The following ALK variants were observed in gnomAD, a reference collection of about 807,000 sequenced individuals.
ALK encodes the protein ALK tyrosine kinase receptor.
In ALK, 74 loss-of-function variants were observed where a neutral mutation model predicts 163.1. The ratio of observed to expected loss-of-function variants is 0.45; its 90% CI spans 0.38 to 0.55. The LOEUF is 0.55. Among genes scored for constraint, ALK ranks in the 20% least tolerant of loss-of-function variants. ALK has a pLI of 0.00. For missense variants in ALK, 2,063 were observed against 2,105.3 expected, an observed-to-expected ratio of 0.98 and a Z score of 0.39; for synonymous variants, 960 against 843.2, an observed-to-expected ratio of 1.14 and a Z score of -2.40.
At chr2:29,734,091 A>G (rs13421314) in intron 1 of ALK, among the ~76,000 whole-genome samples, 8,571 of 152,258 alleles carry the variant, frequency 0.056, 804 homozygotes, top group African/African-American at 0.19. Flanking sequence ...CGGCCCAATG[A>G]GAGGACTTGG....
At chr2:29,204,528 G>GGTGAA (rs1669265206) in intron 26 of ALK, among the ~76,000 whole-genome samples, 1 of 152,036 alleles carries the variant, frequency 6.6e-6, no homozygotes, top group Non-Finnish European at 1.5e-5. Flanking sequence ...AGACCACAGA[G>GGTGAA]GTAAAGTACC....
chr2:29,858,718 G>GAGGA (rs1666207726), intron 1 of ALK, among the ~76,000 whole-genome samples: 2 of 151,942 alleles, frequency 1.3e-5, no homozygotes, highest in South Asian at 4.2e-4. Flanking sequence ...ACTCCAGCCT[G>GAGGA]GGCGACAGAG....
chr2:29,383,170 A>C (rs1573302615), intron 5 of ALK, among the ~76,000 whole-genome samples: 1 of 148,792 alleles, frequency 6.7e-6, no homozygotes. Flanking sequence ...TTCCCTCTCC[A>C]CCCTCCGTTA....
intron 4 of ALK, among the ~76,000 whole-genome samples, chr2:29,466,180 C>A (rs1033139761): frequency 1.3e-5 from 2 of 152,186 alleles, no homozygotes; most frequent in Non-Finnish European, 2.9e-5. Context: ...GGCTTCTGGA[C>A]ATCATGTGGC....
In ALK at chr2:29,590,339, T is replaced by C. The variant is rs528083809; in HGVS notation, c.953-58223A>G. On this transcript the variant is annotated intron_variant, in intron 3 of 28. Coordinates refer to ENST00000389048, the MANE Select transcript of ALK (RefSeq NM_004304.5). ...CCCAAATCATGCATGGTTCCGCGGCTTGTTTTCAGTTGACCATTTTTAAAG... is the reference window on the plus strand; with the variant it reads ...CCCAAATCATGCATGGTTCCGCGGCCTGTTTTCAGTTGACCATTTTTAAAG... Among the ~76,000 whole-genome samples, 3 of 152,360 alleles carry C rather than the reference T, an allele frequency of 2.0e-5. No individual in the cohort carries two copies. In the East Asian group the frequency reaches 5.8e-4, roughly 29 times the overall value.
chr2:29,645,718 C>T (rs1676853438), intron 3 of ALK, among the ~76,000 whole-genome samples: 1 of 152,080 alleles, frequency 6.6e-6, no homozygotes, highest in Non-Finnish European at 1.5e-5. Flanking sequence ...ACCCTCAGCC[C>T]TCAGATGCTC....
At chr2:29,226,170 TGA>T (rs1663980273) in intron 18 of ALK, among the ~76,000 whole-genome samples, 1 of 151,974 alleles carries the variant, frequency 6.6e-6, no homozygotes, top group Admixed American at 6.6e-5. Flanking sequence ...TTATTTAGTC[TGA>T]AGAAGAGTTA....
rs1664284078 is a variant in ALK at position 29,233,651 on chromosome 2, T to C, written c.2401A>G (p.Ile801Val). ...QKVCIGENNVIEEEIRVNRSV... is the reference protein window; with the variant it reads ...QKVCIGENNVVEEEIRVNRSV... ...CTGTTCACACGGATTTCTTCTTCTA[T>C]CACATTGTTCTCTCCAATGCAGACT... Residue 801 changes from isoleucine (I) to valine (V), a missense_variant, in exon 14 of 29, where the codon ATA (isoleucine) becomes GTA (valine). Coordinates refer to ENST00000389048, the MANE Select transcript of ALK (RefSeq NM_004304.5). 2 of 1,614,246 alleles carry C rather than the reference T, an allele frequency of 1.2e-6. No individual in the cohort carries two copies. Among genetic ancestry groups the C allele is most frequent in the Non-Finnish European group, 1.7e-6 (2 of 1,180,046 alleles).
intron 4 of ALK, among the ~76,000 whole-genome samples, chr2:29,419,175 C>G (rs1219269737): frequency 2.6e-5 from 4 of 151,376 alleles, no homozygotes; most frequent in African/African-American, 7.4e-5. Context: ...CTGACTCAGC[C>G]TCCCGAGTAG....
chr2:29,323,040 C>T (rs916759843), intron 6 of ALK, among the ~76,000 whole-genome samples: 2 of 152,120 alleles, frequency 1.3e-5, no homozygotes, highest in Admixed American at 6.5e-5. Flanking sequence ...CACTGGAATC[C>T]GGACATATGG....
intron 3 of ALK, among the ~76,000 whole-genome samples, chr2:29,589,902 T>G (rs912185512): frequency 2.0e-5 from 3 of 152,186 alleles, no homozygotes; most frequent in Admixed American, 6.5e-5. Context: ...GAAAGGAAAG[T>G]AAACAGTGAA....
intron 4 of ALK, among the ~76,000 whole-genome samples, chr2:29,444,073 T>C (rs1205048134): frequency 1.3e-5 from 2 of 152,230 alleles, no homozygotes; most frequent in Admixed American, 6.5e-5. Context: ...AATGTTCACA[T>C]AAAATAAACT....
intron 5 of ALK, among the ~76,000 whole-genome samples, chr2:29,355,044 G>T (rs1159240462): frequency 6.6e-6 from 1 of 152,162 alleles, no homozygotes; most frequent in Non-Finnish European, 1.5e-5. Context: ...GGGATTATAG[G>T]CGTGAGCCAC....
At position 29,851,929 on chromosome 2, in the gene ALK, AAAG is replaced by A. The variant is rs1477934449; in HGVS notation, c.667+68061_667+68063del. On this transcript the variant is annotated intron_variant, in intron 1 of 28. Coordinates refer to ENST00000389048, the MANE Select transcript of ALK (RefSeq NM_004304.5). ...TGCAGAATGTCCAAGGGACTGGCCA[AAAG>A]AAGGTCAGCAGCAGTAAGTAGTAGA... Among the ~76,000 whole-genome samples, 4 of 152,336 alleles carry A rather than the reference AAAG, an allele frequency of 2.6e-5. No homozygotes were observed. The East Asian group carries it at 5.8e-4, about 22-fold the overall frequency.
chr2:29,852,788 G>C (rs1666030885), intron 1 of ALK, among the ~76,000 whole-genome samples: 2 of 151,938 alleles, frequency 1.3e-5, no homozygotes, highest in South Asian at 4.1e-4. Flanking sequence ...GAGCCCTCAT[G>C]AATGGGATTA....
chr2:29,540,468 T>TA (rs1673383429), intron 3 of ALK, among the ~76,000 whole-genome samples: 1 of 152,130 alleles, frequency 6.6e-6, no homozygotes, highest in Non-Finnish European at 1.5e-5. Flanking sequence ...CTTGCTATGC[T>TA]TTATATGAAT....
intron 11 of ALK, among the ~76,000 whole-genome samples, chr2:29,274,625 T>C (rs1298349918): frequency 6.6e-6 from 1 of 152,240 alleles, no homozygotes; most frequent in African/African-American, 2.4e-5. Context: ...AGAACAGCTT[T>C]GGAGGGATCT....
chr2:29,687,291 A>G (rs778085001), intron 3 of ALK, among the ~76,000 whole-genome samples: 2 of 151,834 alleles, frequency 1.3e-5, no homozygotes, highest in Non-Finnish European at 2.9e-5. Flanking sequence ...CCAAGCAGAA[A>G]GAGGTAGGGG....
At chr2:29,681,744 T>C (rs1573551787) in intron 3 of ALK, among the ~76,000 whole-genome samples, 2 of 140,144 alleles carry the variant, frequency 1.4e-5, no homozygotes, top group African/African-American at 5.1e-5. Context: ...ACAACCCCCC[T>C]GGGCATGTAC....
Sources: gnomAD v4.1 joint callset for allele counts (sites outside exome capture counted in the v4.1 genomes callset) on GRCh38, gnomAD v4.1.1 for gene constraint, MANE v1.5 for transcripts, NCBI Gene and HGNC (gene_info 2026-07-23, HGNC 2026-07-21) for gene names.